VPS13D: variants seen among roughly 807,000 people sequenced by gnomAD.
VPS13D encodes intermembrane lipid transfer protein VPS13D.
A neutral mutation model predicts 461.9 loss-of-function variants in VPS13D; 187 were observed. The ratio of observed to expected loss-of-function variants is 0.40; its 90% CI spans 0.36 to 0.46. VPS13D has a LOEUF of 0.46. Among genes scored for constraint, VPS13D ranks in the 20% least tolerant of loss-of-function variants. The pLI is 0.60. For missense variants in VPS13D, 4,711 were observed against 5,364.9 expected, an observed-to-expected ratio of 0.88 and a Z score of 3.81; for synonymous variants, 1,951 against 1,986.3, an observed-to-expected ratio of 0.98 and a Z score of 0.47.
chr1:12,497,473 T>A, intron 67 of VPS13D, 27 bp from the exon 68 acceptor site: 1 of 1,600,102 alleles, frequency 6.2e-7, no homozygotes, highest in South Asian at 1.1e-5. Context: ...CTTAACCTCT[T>A]GGCTTTATGT....
Position 12,242,403 on chromosome 1 carries a change from A to G in VPS13D, c.98-110A>G, listed in dbSNP as rs1005360518. On this transcript the variant is annotated intron_variant, in intron 2 of 69. Transcript: ENST00000620676. Reference sequence around the variant, plus strand: ...CTTTCCTTTAACCTTCACATGACGTAGCCTATTCTATATGTAAAACTTTCC... The same window carrying G: ...CTTTCCTTTAACCTTCACATGACGTGGCCTATTCTATATGTAAAACTTTCC... 7 of 921,118 alleles carry G rather than the reference A, an allele frequency of 7.6e-6. No individual in the cohort carries two copies. In the African/African-American group the frequency reaches 1.0e-4, roughly 13 times the overall value. 57.1% of individuals were successfully genotyped at this position (921,118 alleles called of 1,614,324 possible).
In VPS13D at chr1:12,401,718, T is replaced by A; in HGVS notation, c.11881+14T>A. The A allele has an allele frequency of 6.2e-7, 1 of 1,601,690 alleles. No homozygotes were observed. Among genetic ancestry groups the A allele is most frequent in the South Asian group, 1.1e-5 (1 of 90,376 alleles). The stretch of plus-strand genomic sequence containing the variant: ...AAGCAGAATCAGGTAATGTTGAATG[T>A]TCTATGTCTGTGTTTGGGAATTGGT... On this transcript the variant is annotated intron_variant, in intron 62 of 69. Transcript: ENST00000620676.
At chr1:12,262,140 C>T (rs879079479) in intron 13 of VPS13D, 60 bp downstream of exon 13, 30 of 1,527,938 alleles carry the variant, frequency 2.0e-5, no homozygotes, top group East Asian at 1.6e-4. Context: ...AATGTCCAGG[C>T]GATTCTCATT....
At chr1:12,246,066 C>T (rs1277939041) in intron 5 of VPS13D, among the ~76,000 whole-genome samples, 2 of 152,194 alleles carry the variant, frequency 1.3e-5, no homozygotes, top group African/African-American at 2.4e-5. Context: ...AGCTGAGCTC[C>T]AGGCTGACTT....
chr1:12,475,888 TAA>T (rs371308041), intron 67 of VPS13D, among the ~76,000 whole-genome samples: 1 of 141,834 alleles, frequency 7.1e-6, no homozygotes. Context: ...AATCAATGTT[TAA>T]AAAAAAAAAA....
Position 12,256,690 on chromosome 1 carries a change from G to GTTT in VPS13D, c.840+205_840+207dup, listed in dbSNP as rs372902457. ...GTTAAATTGGGTTGATCTCAGGTTA[G>GTTT]TTTTTTTTTTTTTTTTTTTTAATTA... On this transcript the variant is annotated intron_variant, in intron 8 of 69. Coordinates refer to ENST00000620676, the MANE Select transcript of VPS13D (RefSeq NM_015378.4). 2.1e-4 allele frequency among the ~76,000 whole-genome samples: 26 copies of GTTT among 123,012 alleles called. 1 individual carries two copies. The highest frequency in any genetic ancestry group is 4.2e-3 in the Middle Eastern group (1 of 240). The allele number at this position is 123,012 out of a possible 152,430, so 80.7% of individuals were successfully genotyped here.
chr1:12,299,365 C>A lies in VPS13D; in HGVS notation c.6197C>A (p.Thr2066Asn). Residue 2066 changes from threonine to asparagine, a missense_variant, in exon 25 of 70, where the codon ACC becomes AAC. Physicochemically the swap from Thr to Asn is moderately conservative, Grantham distance 65. Coordinates refer to ENST00000620676, the MANE Select transcript of VPS13D (RefSeq NM_015378.4). This position sits in a 1 kb window ranked among gnomAD's most constrained non-coding sequence, Gnocchi z 4.2. ...TTTCTGTTTGCTGGTTTTCCTGGCA[C>A]CTTTTCCCTACAAGATAAGGTGAGC... is the stretch of plus-strand genomic sequence containing the variant. The part of the protein sequence containing the change: ...NKFLFAGFPG[T>N]FSLQDKESVP... The A allele has an allele frequency of 6.2e-7, 1 of 1,612,262 alleles. No homozygotes were observed. The highest frequency in any genetic ancestry group is 8.5e-7 in the Non-Finnish European group (1 of 1,179,446).
chr1:12,465,970 A>G (rs920422474), intron 67 of VPS13D, among the ~76,000 whole-genome samples: 3 of 152,100 alleles, frequency 2.0e-5, no homozygotes, highest in African/African-American at 7.2e-5. Flanking sequence ...CCCTGTCTCT[A>G]CTAAAAGTAC....
At chr1:12,460,107 C>T in intron 66 of VPS13D, 94 bp from the exon 67 acceptor site, 1 of 1,183,496 alleles carries the variant, frequency 8.4e-7, no homozygotes, top group Non-Finnish European at 1.2e-6. Flanking sequence ...AATAGAATGG[C>T]CTTAAGTTAT....
chr1:12,266,837 G>A (rs1023697451), intron 13 of VPS13D, 44 bp from the exon 14 acceptor site: 6 of 1,416,286 alleles, frequency 4.2e-6, no homozygotes, highest in Non-Finnish European at 5.6e-6. Flanking sequence ...AACACATTAG[G>A]CTCTCATAAG....
intron 63 of VPS13D, among the ~76,000 whole-genome samples, chr1:12,408,136 C>T (rs1644679231): frequency 6.6e-6 from 1 of 152,128 alleles, no homozygotes; most frequent in South Asian, 2.1e-4. Flanking sequence ...TGGGGTGAGG[C>T]ATGGGTGAAT....
In VPS13D at chr1:12,291,031, G is replaced by A. The variant is rs1642118377; in HGVS notation, c.5759G>A (p.Ser1920Asn). The A allele has an allele frequency of 1.9e-6, 3 of 1,613,846 alleles. No individual in the cohort carries two copies. Among genetic ancestry groups the A allele is most frequent in the Non-Finnish European group, 2.5e-6 (3 of 1,179,984 alleles). The change falls in exon 23 of 70, where the codon AGT becomes AAT. Residue 1920 changes from serine (S) to asparagine (N), a missense_variant. Ser to Asn is a conservative substitution (Grantham distance 46). This residue lies in a region of VPS13D where 4,411 missense variants were observed against 4,937.8 expected (regional missense o/e 0.89). Coordinates refer to ENST00000620676, the MANE Select transcript of VPS13D (RefSeq NM_015378.4). The stretch of plus-strand genomic sequence containing the variant: ...CTGGCCTTACAGGGCAGCATTGGGA[G>A]TCTGTCTCTAAGTGACCTCACATGC... The part of the protein sequence containing the change: ...GDLALQGSIG[S>N]LSLSDLTCHG...
chr1:12,254,169 A>G (rs1471708731), intron 7 of VPS13D, among the ~76,000 whole-genome samples: 1 of 152,214 alleles, frequency 6.6e-6, no homozygotes, highest in African/African-American at 2.4e-5. Flanking sequence ...TTGCATGTTC[A>G]CGTAACATAC....
intron 65 of VPS13D, among the ~76,000 whole-genome samples, chr1:12,432,325 C>T (rs887117205): frequency 5.4e-4 from 81 of 149,884 alleles, no homozygotes; most frequent in African/African-American, 1.9e-3. Flanking sequence ...CCTGGGGAGG[C>T]GGAGGTTGCT....
intron 55 of VPS13D, among the ~76,000 whole-genome samples, chr1:12,375,066 T>C (rs548736158): frequency 5.4e-4 from 83 of 152,328 alleles, no homozygotes; most frequent in Non-Finnish European, 1.1e-3. Flanking sequence ...CAGTTTTTCT[T>C]ATCTTTGGCC....
chr1:12,261,555 C>T (rs1168281763), intron 12 of VPS13D, among the ~76,000 whole-genome samples: 3 of 152,250 alleles, frequency 2.0e-5, no homozygotes, highest in South Asian at 2.1e-4. Context: ...ACATTAGCCA[C>T]GTGTGCTCCC....
intron 13 of VPS13D, among the ~76,000 whole-genome samples, chr1:12,266,491 T>G (rs992631802): frequency 2.0e-5 from 3 of 152,230 alleles, no homozygotes; most frequent in African/African-American, 4.8e-5. Flanking sequence ...GATTACAACT[T>G]GCTGAAGATT....
At chr1:12,242,684 G>A in intron 3 of VPS13D, 94 bp downstream of exon 3, 1 of 1,115,202 alleles carries the variant, frequency 9.0e-7, no homozygotes, top group Admixed American at 2.0e-5. Flanking sequence ...GATTTGGCCA[G>A]TTAGAGGAAG....
At chr1:12,340,832 C>G (rs1643552938) in intron 40 of VPS13D, among the ~76,000 whole-genome samples, 1 of 152,196 alleles carries the variant, frequency 6.6e-6, no homozygotes, top group Non-Finnish European at 1.5e-5. Context: ...CTTTCTCACA[C>G]TGGTTTGCTG....
Sources: gnomAD v4.1 joint callset for allele counts (sites outside exome capture counted in the v4.1 genomes callset) on GRCh38, gnomAD v4.1.1 for gene constraint, gnomAD v4.1.1 regional missense constraint, Gnocchi (gnomAD v3.1) non-coding constraint, MANE v1.5 for transcripts, NCBI Gene and HGNC (gene_info 2026-07-23, HGNC 2026-07-21) for gene names.